LAX1: variants seen among roughly 807,000 people sequenced by gnomAD.
The protein encoded by LAX1 is lymphocyte transmembrane adapter 1.
Under a neutral mutation model 20.7 loss-of-function variants are expected in LAX1, and 17 were observed. That is an observed-to-expected ratio of 0.82 (90% confidence interval 0.56 to 1.23). The LOEUF is 1.23. LAX1 is among the 50% of genes most tolerant of loss of function. The probability of loss-of-function intolerance (pLI) is 0.00; values close to 1 mark genes in which losing one functional copy is unlikely to be tolerated. For missense variants in LAX1, 470 were observed against 487.0 expected, an observed-to-expected ratio of 0.97 and a Z score of 0.33; for synonymous variants, 165 against 181.0, an observed-to-expected ratio of 0.91 and a Z score of 0.71.
chr1:203,776,306 G>A lies in LAX1; in HGVS notation c.*1625G>A, dbSNP rs1476818359. The A allele has an allele frequency of 7.0e-6, 1 of 143,210 alleles. No individual in the cohort carries two copies. The highest frequency in any genetic ancestry group is 2.6e-5 in the African/African-American group (1 of 38,696). 8.9% of individuals were successfully genotyped at this position (143,210 alleles called of 1,614,324 possible). On this transcript the variant is annotated 3_prime_UTR_variant, in exon 5 of 5. Transcript: ENST00000442561. ...GCAGGAGAATCACTTGAACCAGGAA[G>A]GCGGACTGCATTCCAGCCTGGGCAA...
chr1:203,770,920 G>A lies in LAX1; in HGVS notation c.182G>A (p.Trp61Ter). ...GCGGTTTTCTGCATCTTGTGGAATT[G>A]GAATAAACGGAAGAAGCGTGAGTCC... ...VVAVFCILWN[W>*]NKRKKRQVPY... The change falls in exon 2 of 5, where the codon TGG becomes TAG. Residue 61 changes from tryptophan (W) to a stop codon, truncating the protein, a stop_gained. Transcript: ENST00000442561. LOFTEE classifies it high-confidence loss of function. 6.2e-7 allele frequency: 1 copy of A among 1,613,292 alleles called. No homozygotes were observed. The highest frequency in any genetic ancestry group is 1.1e-5 in the South Asian group (1 of 91,060).
At chr1:203,770,463 AAG>A (rs1667390665) in intron 1 of LAX1, among the ~76,000 whole-genome samples, 2 of 11,442 alleles carry the variant, frequency 1.7e-4, no homozygotes, top group East Asian at 1.9e-3. Flanking sequence ...GAAAGGAAGG[AAG>A]GAAGGAAGGA....
chr1:203,771,837 C>G (rs1309672516), intron 3 of LAX1, among the ~76,000 whole-genome samples: 1 of 152,186 alleles, frequency 6.6e-6, no homozygotes, highest in African/African-American at 2.4e-5. Context: ...GCTTGTTTCT[C>G]AGCCTCCCAA....
In LAX1 at chr1:203,774,150, C is replaced by G. The variant is rs1667469982; in HGVS notation, c.666C>G (p.Thr222=). Reference sequence around the variant, plus strand: ...GAAATCTCTTTGTTCTTCCCAGTACCCAGAAGCTGGAGTTTACTGAGGAAA... The same window carrying G: ...GAAATCTCTTTGTTCTTCCCAGTACGCAGAAGCTGGAGTTTACTGAGGAAA... ...PSRNLFVLPS[T]QKLEFTEERD... is the part of the protein sequence containing the mutation. Residue 222 remains threonine, a synonymous_variant, in exon 5 of 5, where the codon ACC becomes ACG. Transcript: ENST00000442561. 2 of 1,614,142 alleles carry G rather than the reference C, an allele frequency of 1.2e-6. No individual in the cohort carries two copies. Among genetic ancestry groups the G allele is most frequent in the Non-Finnish European group, 1.7e-6 (2 of 1,180,022 alleles).
chr1:203,770,071 T>A (rs1667377835), intron 1 of LAX1, among the ~76,000 whole-genome samples: 8 of 152,078 alleles, frequency 5.3e-5, no homozygotes, highest in Admixed American at 5.2e-4. Flanking sequence ...CCTTTCTGAG[T>A]CTAAAGCTCA....
intron 1 of LAX1, among the ~76,000 whole-genome samples, chr1:203,770,510 G>GAAGAAAGAAAGA (rs1326354763): frequency 0.03 from 510 of 16,906 alleles, 46 homozygotes; most frequent in Non-Finnish European, 0.042. Flanking sequence ...AGGAAGGAAG[G>GAAGAAAGAAAGA]AAGAAAGAAA....
intron 1 of LAX1, among the ~76,000 whole-genome samples, chr1:203,770,459 A>AG (rs56340969): frequency 0.013 from 137 of 10,330 alleles, 13 homozygotes; most frequent in South Asian, 0.045. Flanking sequence ...GAGAGAAAGG[A>AG]AGGAAGGAAG....
chr1:203,769,442 A>G (rs113377446), intron 1 of LAX1, among the ~76,000 whole-genome samples: 12,496 of 60,582 alleles, frequency 0.21, 689 homozygotes, highest in Non-Finnish European at 0.28. Context: ...AGAAAGAAAG[A>G]AGGAAAGAAA....
intron 4 of LAX1, 104 bp downstream of exon 4, chr1:203,772,251 C>G: frequency 2.4e-6 from 2 of 839,108 alleles, no homozygotes. Flanking sequence ...AAACAGCATG[C>G]CCTTTGGCAC....
intron 3 of LAX1, among the ~76,000 whole-genome samples, 159 bp downstream of exon 3, chr1:203,771,636 C>T (rs1319087435): frequency 1.3e-5 from 2 of 152,162 alleles, no homozygotes; most frequent in African/African-American, 4.8e-5. Context: ...TCAGCTGCAA[C>T]TCCAGGGGGG....
At position 203,771,450 on chromosome 1, in the gene LAX1, A is replaced by G. The variant is rs1667420743; in HGVS notation, c.283A>G (p.Ile95Val). The G allele has an allele frequency of 1.9e-6, 3 of 1,612,630 alleles. No homozygotes were observed. The highest frequency in any genetic ancestry group is 1.7e-4 in the Middle Eastern group (1 of 6,060). ...ACAAAGAGCCAAAAATATTTATGACATCTTGCCTTGGCGACAGGAAGACCT... is the reference window on the plus strand; with the variant it reads ...ACAAAGAGCCAAAAATATTTATGACGTCTTGCCTTGGCGACAGGAAGACCT... Reference protein sequence around the residue: ...TRQRAKNIYDILPWRQEDLGR... With the variant: ...TRQRAKNIYDVLPWRQEDLGR... The change falls in exon 3 of 5, where the codon ATC (isoleucine) becomes GTC (valine). Residue 95 changes from isoleucine to valine, a missense_variant. By Grantham distance (29) the Ile-to-Val change is conservative (BLOSUM62 3). Coordinates refer to ENST00000442561, the MANE Select transcript of LAX1 (RefSeq NM_017773.4).
chr1:203,771,952 C>T, intron 3 of LAX1, 116 bp from the exon 4 acceptor site: 1 of 820,474 alleles, frequency 1.2e-6, no homozygotes, highest in East Asian at 2.4e-5. Flanking sequence ...ACACCAGACC[C>T]AAGGCTGGAA....
chr1:203,768,891 T>C (rs1229027186), intron 1 of LAX1, among the ~76,000 whole-genome samples: 1 of 152,096 alleles, frequency 6.6e-6, no homozygotes, highest in African/African-American at 2.4e-5. Context: ...TTGGGATAAA[T>C]GCCCAGGGTA....
chr1:203,766,843 G>A (rs1195519105), intron 1 of LAX1, among the ~76,000 whole-genome samples: 1 of 151,712 alleles, frequency 6.6e-6, no homozygotes, highest in Non-Finnish European at 1.5e-5. Flanking sequence ...TTTTTGTTTT[G>A]TTTTGTTTGT....
At chr1:203,772,289 G>A in intron 4 of LAX1, 142 bp downstream of exon 4, 1 of 669,924 alleles carries the variant, frequency 1.5e-6, no homozygotes, top group South Asian at 1.8e-5. Flanking sequence ...TAATAAATTG[G>A]GAAGACTAGC....
intron 4 of LAX1, among the ~76,000 whole-genome samples, chr1:203,773,069 C>A (rs1257697883): frequency 6.6e-6 from 1 of 152,182 alleles, no homozygotes; most frequent in Non-Finnish European, 1.5e-5. Flanking sequence ...TGCAAATATT[C>A]CAACAATGCC....
At chr1:203,770,517 GAAAGA>G in intron 1 of LAX1, among the ~76,000 whole-genome samples, 10 of 122,904 alleles carry the variant, frequency 8.1e-5, no homozygotes, top group African/African-American at 2.2e-4. Context: ...AAGGAAGAAA[GAAAGA>G]AAGAAAGAAA....
At chr1:203,768,761 T>C (rs1320413570) in intron 1 of LAX1, among the ~76,000 whole-genome samples, 1 of 152,162 alleles carries the variant, frequency 6.6e-6, no homozygotes, top group Non-Finnish European at 1.5e-5. Flanking sequence ...AGACAACGAA[T>C]GTTGAGGCCA....
At position 203,774,347 on chromosome 1, in the gene LAX1, T is replaced by C. The variant is rs779266731; in HGVS notation, c.863T>C (p.Phe288Ser). ...AIQERQLWVAFQCCRDYENVP... is the reference protein window; with the variant it reads ...AIQERQLWVASQCCRDYENVP... ...CAGGAAAGGCAGCTCTGGGTGGCTT[T>C]TCAGTGCTGCAGAGACTATGAAAAT... Residue 288 changes from phenylalanine to serine, a missense_variant, in exon 5 of 5, where the codon TTT (phenylalanine) becomes TCT (serine). Phe to Ser is a radical substitution (Grantham distance 155). Coordinates refer to ENST00000442561, the MANE Select transcript of LAX1 (RefSeq NM_017773.4). 41 of 1,614,076 alleles carry C rather than the reference T, an allele frequency of 2.5e-5. No individual in the cohort carries two copies. Among genetic ancestry groups the C allele is most frequent in the Non-Finnish European group, 3.4e-5 (40 of 1,180,038 alleles).
Sources: gnomAD v4.1 joint callset for allele counts (sites outside exome capture counted in the v4.1 genomes callset) on GRCh38, gnomAD v4.1.1 for gene constraint, MANE v1.5 for transcripts, NCBI Gene and HGNC (gene_info 2026-07-23, HGNC 2026-07-21) for gene names.